Variants in ANKRD18B observed in about 807,000 individuals in gnomAD.
ANKRD18B encodes the protein ankyrin repeat domain 18B.
A neutral mutation model predicts 111.8 loss-of-function variants in ANKRD18B; 75 were observed. The observed-to-expected ratio is 0.67, with a 90% CI of 0.56 to 0.81. The LOEUF (loss-of-function observed/expected upper bound fraction) is 0.81. Among genes scored for constraint, ANKRD18B ranks in the 40% least tolerant of loss-of-function variants. The probability of loss-of-function intolerance (pLI) is 0.00; values close to 1 mark genes in which losing one functional copy is unlikely to be tolerated. For missense variants in ANKRD18B, 1,038 were observed against 1,225.5 expected, an observed-to-expected ratio of 0.85 and a Z score of 2.28; for synonymous variants, 356 against 417.3, an observed-to-expected ratio of 0.85 and a Z score of 1.79.
chr9:33,524,509 T>C lies in ANKRD18B; in HGVS notation c.20T>C (p.Phe7Ser). The part of the protein sequence containing the change: MRKLLS[F>S]GRRLGQALLS... ...GCCACCATGAGGAAGCTCCTCAGTT[T>C]TGGGAGACGCCTGGGCCAGGCGCTC... The change falls in exon 1 of 19, where the codon TTT becomes TCT. Residue 7 changes from phenylalanine to serine, a missense_variant. Coordinates refer to ENST00000684830, the MANE Select transcript of ANKRD18B (RefSeq NM_001393611.1). 1 of 1,549,840 alleles carries C rather than the reference T, an allele frequency of 6.5e-7. No individual in the cohort carries two copies. Among genetic ancestry groups the C allele is most frequent in the Non-Finnish European group, 8.7e-7 (1 of 1,146,356 alleles).
At chr9:33,540,857 G>GA (rs1828268430) in intron 8 of ANKRD18B, among the ~76,000 whole-genome samples, 1 of 152,168 alleles carries the variant, frequency 6.6e-6, no homozygotes, top group South Asian at 2.1e-4. Context: ...ACTTCATTGA[G>GA]AAAAAACATA....
At chr9:33,541,833 G>A (rs1376527889) in intron 9 of ANKRD18B, among the ~76,000 whole-genome samples, 1 of 152,070 alleles carries the variant, frequency 6.6e-6, no homozygotes, top group Non-Finnish European at 1.5e-5. Context: ...TTTATATAAG[G>A]CTTTCAGAAA....
intron 14 of ANKRD18B, among the ~76,000 whole-genome samples, chr9:33,562,829 G>A (rs1828626594): frequency 6.6e-6 from 1 of 152,080 alleles, no homozygotes; most frequent in African/African-American, 2.4e-5. Flanking sequence ...TGAGAAAAAG[G>A]AAAATGAAAA....
rs1463620292 is a variant in ANKRD18B, at chr9:33,538,698, G to A, written c.809-751G>A. 2.6e-5 allele frequency among the ~76,000 whole-genome samples: 4 copies of A among 151,920 alleles called. No homozygotes were observed. In the South Asian group the frequency reaches 8.3e-4, roughly 32 times the overall value. ...TTGCAGTGAACCGGAATGCACCACT[G>A]CACTCCAGCTGGGTGACAGAGCAAG... On this transcript the variant is annotated intron_variant, in intron 6 of 18. Transcript: ENST00000684830.
chr9:33,566,385 T>G lies in ANKRD18B; in HGVS notation c.2627T>G (p.Leu876Arg). The G allele has an allele frequency of 6.3e-7, 1 of 1,595,706 alleles. No homozygotes were observed. The highest frequency in any genetic ancestry group is 8.6e-7 in the Non-Finnish European group (1 of 1,168,998). Residue 876 changes from leucine (L) to arginine (R), a missense_variant, in exon 15 of 19, where the codon CTT (leucine) becomes CGT (arginine). Leu to Arg is a moderately radical substitution (Grantham distance 102). Transcript: ENST00000684830. Reference protein sequence around the residue: ...KKMLEEKVLNLKTHMEKDMVE... With the variant: ...KKMLEEKVLNRKTHMEKDMVE... The stretch of plus-strand genomic sequence containing the variant: ...ATGTTGGAAGAAAAAGTATTAAATC[T>G]TAAGACACATATGGAAAAAGATATG...
At chr9:33,540,497 A>G (rs1414196471) in intron 8 of ANKRD18B, among the ~76,000 whole-genome samples, 1 of 152,232 alleles carries the variant, frequency 6.6e-6, no homozygotes, top group Non-Finnish European at 1.5e-5. Flanking sequence ...ATATCCACAT[A>G]GATTTGTGAT....
intron 12 of ANKRD18B, among the ~76,000 whole-genome samples, chr9:33,554,880 G>A (rs1828499597): frequency 6.6e-6 from 1 of 152,000 alleles, no homozygotes; most frequent in Admixed American, 6.6e-5. Context: ...GGATACAGAG[G>A]CAGAACAATT....
intron 15 of ANKRD18B, 120 bp downstream of exon 15, chr9:33,566,620 G>A (rs1828689418): frequency 3.2e-6 from 4 of 1,238,706 alleles, no homozygotes; most frequent in African/African-American, 1.6e-5. Flanking sequence ...AATTTCCTTT[G>A]TAGAGCTCTA....
At chr9:33,571,018 GA>G (rs1268018965) in intron 17 of ANKRD18B, among the ~76,000 whole-genome samples, 1 of 152,062 alleles carries the variant, frequency 6.6e-6, no homozygotes, top group Non-Finnish European at 1.5e-5. Flanking sequence ...ATTTTTGTCA[GA>G]TTACTCTAAA....
At chr9:33,563,497 A>T (rs1828637542) in intron 14 of ANKRD18B, among the ~76,000 whole-genome samples, 1 of 151,318 alleles carries the variant, frequency 6.6e-6, no homozygotes, top group African/African-American at 2.4e-5. Flanking sequence ...GATCTCTCTC[A>T]CAATCTGGGG....
intron 15 of ANKRD18B, 54 bp downstream of exon 15, chr9:33,566,554 C>T (rs1828688294): frequency 6.4e-7 from 1 of 1,563,742 alleles, no homozygotes; most frequent in African/African-American, 1.4e-5. Context: ...ATTTATTTCA[C>T]TGCAAACTGT....
intron 17 of ANKRD18B, among the ~76,000 whole-genome samples, chr9:33,569,605 C>A (rs767350079): frequency 6.6e-6 from 1 of 152,066 alleles, no homozygotes; most frequent in Non-Finnish European, 1.5e-5. Flanking sequence ...CTCTTTCCAC[C>A]CATAATCACA....
In ANKRD18B at chr9:33,528,733, T is replaced by C. The variant is rs1828063324; in HGVS notation, c.213T>C (p.Val71=). The C allele has an allele frequency of 3.1e-6, 5 of 1,610,560 alleles. No homozygotes were observed. Among genetic ancestry groups the C allele is most frequent in the Admixed American group, 1.7e-5 (1 of 59,152 alleles). ...ACCCCTCTCGCTCTCCTAGGACTGT[T>C]CTACATTTGGCCTGTGCCCATGGCC... ...LDVRDRKDRT[V]LHLACAHGRV... Residue 71 remains valine, a synonymous_variant, in exon 2 of 19, where the codon GTT becomes GTC. Transcript: ENST00000684830.
At chr9:33,530,268 T>C (rs1022034250) in intron 3 of ANKRD18B, among the ~76,000 whole-genome samples, 1 of 152,166 alleles carries the variant, frequency 6.6e-6, no homozygotes. Context: ...CCTGAGGATT[T>C]TGATGTAATA....
At chr9:33,574,213 A>G (rs1307517625), downstream of ANKRD18B, 1 of 108,464 alleles carries the variant, frequency 9.2e-6, no homozygotes, top group East Asian at 3.2e-4. Context: ...GGTCTGGTCC[A>G]TGAGGCCTAC....
intron 10 of ANKRD18B, among the ~76,000 whole-genome samples, chr9:33,543,751 G>A (rs979302395): frequency 6.3e-4 from 96 of 152,288 alleles, no homozygotes; most frequent in African/African-American, 2.2e-3. Context: ...AGAAGATGGG[G>A]TCATAAAAGC....
chr9:33,557,461 AC>A (rs1828543472), intron 13 of ANKRD18B, among the ~76,000 whole-genome samples: 1 of 152,140 alleles, frequency 6.6e-6, no homozygotes, highest in African/African-American at 2.4e-5. Flanking sequence ...ATCTTAGCAT[AC>A]CAAAATGGAT....
At chr9:33,543,529 A>T (rs1431137222) in intron 10 of ANKRD18B, among the ~76,000 whole-genome samples, 1 of 150,120 alleles carries the variant, frequency 6.7e-6, no homozygotes, top group Non-Finnish European at 1.5e-5. Context: ...TCTTCCTGAT[A>T]AAGAAGGTAA....
At chr9:33,527,305 CT>C (rs1032794646) in intron 1 of ANKRD18B, among the ~76,000 whole-genome samples, 14 of 88,466 alleles carry the variant, frequency 1.6e-4, no homozygotes, top group South Asian at 4.3e-4. Flanking sequence ...CTTCATGTTT[CT>C]TTTTTTGTTT....
Sources: gnomAD v4.1 joint callset for allele counts (sites outside exome capture counted in the v4.1 genomes callset) on GRCh38, gnomAD v4.1.1 for gene constraint, MANE v1.5 for transcripts, NCBI Gene and HGNC (gene_info 2026-07-23, HGNC 2026-07-21) for gene names.